ACOXL: variants seen among roughly 807,000 people sequenced by gnomAD.
ACOXL encodes acyl-coenzyme A oxidase-like protein.
A neutral mutation model predicts 71.9 loss-of-function variants in ACOXL; 70 were observed. The ratio of observed to expected loss-of-function variants is 0.97; its 90% confidence interval spans 0.80 to 1.19. The LOEUF (loss-of-function observed/expected upper bound fraction) is 1.19, where lower values mean the gene tolerates loss of function less well. Among genes scored for constraint, ACOXL ranks in the 50% most tolerant of loss-of-function variants. The probability of loss-of-function intolerance (pLI) is 0.00; values close to 1 mark genes in which losing one functional copy is unlikely to be tolerated. For missense variants in ACOXL, 703 were observed against 736.3 expected (o/e 0.95, Z 0.52); for synonymous variants, 253 against 281.6 (o/e 0.90, Z 1.02).
At chr2:110,978,370 C>T (rs1323132720) in intron 12 of ACOXL, among the ~76,000 whole-genome samples, 1 of 152,182 alleles carries the variant, frequency 6.6e-6, no homozygotes. Flanking sequence ...CACCCCTGAA[C>T]GTCTCCACCT....
intron 1 of ACOXL, among the ~76,000 whole-genome samples, chr2:110,755,343 A>T (rs1679526649): frequency 6.6e-6 from 1 of 152,206 alleles, no homozygotes; most frequent in Non-Finnish European, 1.5e-5. Context: ...GAAGACATAA[A>T]AGAGAAATTA....
In ACOXL at chr2:110,767,194, G is replaced by A. The variant is rs191679449; in HGVS notation, c.-22-1174G>A. The stretch of plus-strand genomic sequence containing the variant: ...GAGGTCCTACAGGCTCAGGCTGTGC[G>A]TTGCATGGAAACATTCTAGGTGGCC... On this transcript the variant is annotated intron_variant, in intron 1 of 17. Transcript: ENST00000439055. Among the ~76,000 whole-genome samples the A allele has an allele frequency of 2.1e-4, 32 of 152,290 alleles. No homozygotes were observed. The East Asian group carries it at 3.1e-3, about 15-fold the overall frequency.
intron 16 of ACOXL, among the ~76,000 whole-genome samples, chr2:111,066,553 C>A (rs183631834): frequency 2.0e-5 from 3 of 152,142 alleles, no homozygotes; most frequent in Admixed American, 2.0e-4. Flanking sequence ...GTAAAAGATA[C>A]CCAACATATC....
chr2:111,054,233 AT>A (rs1366064231), intron 16 of ACOXL, among the ~76,000 whole-genome samples: 1 of 152,212 alleles, frequency 6.6e-6, no homozygotes, highest in Non-Finnish European at 1.5e-5. Flanking sequence ...AGCTTGGCTT[AT>A]TTATAGCACT....
At chr2:110,886,268 A>G in intron 10 of ACOXL, among the ~76,000 whole-genome samples, 1 of 152,138 alleles carries the variant, frequency 6.6e-6, no homozygotes, top group Admixed American at 6.5e-5. Flanking sequence ...GTTAAAAACT[A>G]GTTTGGCATT....
intron 11 of ACOXL, among the ~76,000 whole-genome samples, chr2:110,916,181 A>G (rs545634661): frequency 6.6e-6 from 1 of 152,136 alleles, no homozygotes; most frequent in East Asian, 1.9e-4. Context: ...TAATGACTGT[A>G]AGATCTGTGA....
At chr2:110,790,431 G>A (rs920556330) in intron 3 of ACOXL, among the ~76,000 whole-genome samples, 1 of 152,072 alleles carries the variant, frequency 6.6e-6, no homozygotes, top group African/African-American at 2.4e-5. Flanking sequence ...GGAAGCTGCC[G>A]ACCCTCATTG....
At chr2:110,880,406 T>C (rs933409267) in intron 10 of ACOXL, among the ~76,000 whole-genome samples, 9 of 152,194 alleles carry the variant, frequency 5.9e-5, no homozygotes, top group Non-Finnish European at 1.0e-4. Context: ...GTCTTAGAAA[T>C]CTTTCAATAG....
chr2:111,073,093 A>T (rs979228968), intron 16 of ACOXL, among the ~76,000 whole-genome samples: 2 of 152,158 alleles, frequency 1.3e-5, no homozygotes, highest in Admixed American at 6.5e-5. Flanking sequence ...CCCATTTTTA[A>T]TTGGATAATT....
intron 10 of ACOXL, among the ~76,000 whole-genome samples, 194 bp downstream of exon 10, chr2:110,841,599 A>C (rs1010725099): frequency 2.6e-5 from 4 of 152,226 alleles, no homozygotes; most frequent in Non-Finnish European, 4.4e-5. Context: ...TCTTTGTGAA[A>C]ACATGGTGGT....
intron 9 of ACOXL, among the ~76,000 whole-genome samples, chr2:110,832,189 G>A (rs1418749768): frequency 6.6e-6 from 1 of 152,060 alleles, no homozygotes; most frequent in Non-Finnish European, 1.5e-5. Flanking sequence ...ACTCTTTGAG[G>A]TATAGGGCTA....
chr2:110,816,705 G>T (rs1294931887), intron 9 of ACOXL, among the ~76,000 whole-genome samples: 1 of 152,200 alleles, frequency 6.6e-6, no homozygotes, highest in Non-Finnish European at 1.5e-5. Flanking sequence ...TCTAAAGACA[G>T]CTGTGTAATA....
chr2:110,945,170 C>T (rs1430523152), intron 12 of ACOXL, among the ~76,000 whole-genome samples: 2 of 152,180 alleles, frequency 1.3e-5, no homozygotes, highest in East Asian at 1.9e-4. Flanking sequence ...TGTTCATGTC[C>T]TTTGCCCACT....
chr2:111,051,209 T>A lies in ACOXL; in HGVS notation c.1440+1921T>A, dbSNP rs190172992. 4.5e-3 allele frequency among the ~76,000 whole-genome samples: 682 copies of A among 152,274 alleles called. 3 individuals carry two copies. The highest frequency in any genetic ancestry group is 7.1e-3 in the Non-Finnish European group (485 of 68,014). ...ACTGAAACTATTTTATGATTTTTTT[T>A]AGGAGATTGAGGTTTTCTAATGTCA... On this transcript the variant is annotated intron_variant, in intron 16 of 17. Transcript: ENST00000439055.
At chr2:110,782,524 C>T (rs919167750) in intron 2 of ACOXL, among the ~76,000 whole-genome samples, 4 of 152,114 alleles carry the variant, frequency 2.6e-5, no homozygotes, top group African/African-American at 9.7e-5. Flanking sequence ...ATAGCAAACT[C>T]CTATTGTCAT....
intron 14 of ACOXL, among the ~76,000 whole-genome samples, chr2:110,998,049 T>A (rs2063474863): frequency 6.6e-6 from 1 of 151,892 alleles, no homozygotes; most frequent in African/African-American, 2.4e-5. Context: ...AGACCCTGTC[T>A]CAAAAAATAA....
chr2:111,019,852 ACTTT>A (rs2064660747), intron 14 of ACOXL, among the ~76,000 whole-genome samples: 1 of 151,878 alleles, frequency 6.6e-6, no homozygotes, highest in Admixed American at 6.6e-5. Flanking sequence ...CACTGAATTC[ACTTT>A]CTTTTTCTTT....
chr2:111,056,313 G>C (rs556422836), intron 16 of ACOXL, among the ~76,000 whole-genome samples: 3 of 151,980 alleles, frequency 2.0e-5, no homozygotes, highest in Non-Finnish European at 4.4e-5. Context: ...TGAAGCCCGG[G>C]ATACTTCACT....
chr2:110,914,414 C>A (rs1393653008), intron 11 of ACOXL, among the ~76,000 whole-genome samples: 2 of 152,110 alleles, frequency 1.3e-5, no homozygotes, highest in South Asian at 4.1e-4. Flanking sequence ...TTATAATTTA[C>A]AGTGTAGAAA....
Sources: allele counts gnomAD v4.1 joint callset (sites outside exome capture counted in the v4.1 genomes callset), GRCh38; gene constraint gnomAD v4.1.1; transcripts MANE v1.5; gene names NCBI Gene and HGNC (gene_info 2026-07-23, HGNC 2026-07-21).